The following USP36 variants were observed in gnomAD, a reference collection of about 807,000 sequenced individuals.
USP36 encodes the protein ubiquitin carboxyl-terminal hydrolase 36.
Under a neutral mutation model 111.5 loss-of-function variants are expected in USP36, and 59 were observed. That is an observed-to-expected ratio of 0.53 (90% CI 0.43 to 0.66). The LOEUF is 0.66. Among genes scored for constraint, USP36 ranks in the 30% least tolerant of loss-of-function variants. The probability of loss-of-function intolerance (pLI) is 0.00; values close to 1 mark genes in which losing one functional copy is unlikely to be tolerated. For synonymous variants in USP36, 628 were observed against 581.0 expected, an observed-to-expected ratio of 1.08 and a Z score of -1.16; for missense variants, 1,488 against 1,468.0, an observed-to-expected ratio of 1.01 and a Z score of -0.22.
rs1407050372 is a variant in USP36 at position 78,799,741 on chromosome 17, C to T, written c.3050G>A (p.Trp1017Ter). 6.2e-7 allele frequency: 1 copy of T among 1,611,154 alleles called. No homozygotes were observed. Among genetic ancestry groups the T allele is most frequent in the Non-Finnish European group, 8.5e-7 (1 of 1,179,048 alleles). Residue 1017 changes from tryptophan to a stop codon, truncating the protein, a stop_gained, in exon 18 of 21, where the codon TGG becomes TAG. Coordinates refer to ENST00000449938, the MANE Select transcript of USP36 (RefSeq NM_001385174.1). LOFTEE classifies it high-confidence loss of function. ...MGLSQAPPVS[W>*]NGERESDVVQ... ...CACATCAGACTCCCGCTCTCCATTC[C>T]AAGACACAGGAGGGGCCTGGCTCAG...
At chr17:78,799,905 TA>T (rs2093698940) in intron 17 of USP36, 137 bp from the exon 18 acceptor site, 23 of 524,678 alleles carry the variant, frequency 4.4e-5, no homozygotes, top group Non-Finnish European at 4.9e-5. Context: ...TTTTTTTTTT[TA>T]AAGACAGGGT....
chr17:78,834,718 C>T (rs946915911), intron 4 of USP36, among the ~76,000 whole-genome samples: 1 of 152,110 alleles, frequency 6.6e-6, no homozygotes, highest in Non-Finnish European at 1.5e-5. Context: ...TGTGAGCCAC[C>T]GTGCCCGGCC....
Position 78,799,649 on chromosome 17 carries a change from C to T in USP36, c.3124+18G>A, listed in dbSNP as rs2093691132. 1 of 1,610,048 alleles carries T rather than the reference C, an allele frequency of 6.2e-7. No individual in the cohort carries two copies. Among genetic ancestry groups the T allele is most frequent in the Non-Finnish European group, 8.5e-7 (1 of 1,177,882 alleles). ...AACCAATGAAAGGCAAACAGAAGTC[C>T]TGTCTCCAAATCAGTACCTTTTCTC... On this transcript the variant is annotated intron_variant, in intron 18 of 20. Transcript: ENST00000449938.
In USP36 at chr17:78,818,859, C is replaced by T. The variant is rs184562882; in HGVS notation, c.912-81G>A. 212 of 1,382,072 alleles carry T rather than the reference C, an allele frequency of 1.5e-4. 3 individuals carry two copies. The South Asian group carries it at 2.3e-3, about 15-fold the overall frequency. 85.6% of individuals were successfully genotyped at this position (1,382,072 alleles called of 1,614,324 possible). ...TGTTGTCTTAACGCTAAGTTAATAA[C>T]AGCAACAACTGCTCTGTAATAGTGG... On this transcript the variant is annotated intron_variant, in intron 9 of 20. Coordinates refer to ENST00000449938, the MANE Select transcript of USP36 (RefSeq NM_001385174.1).
chr17:78,812,692 G>A (rs1352552204), intron 13 of USP36, among the ~76,000 whole-genome samples, 168 bp downstream of exon 13: 1 of 115,102 alleles, frequency 8.7e-6, no homozygotes, highest in East Asian at 2.6e-4. Context: ...GCGAGACTCT[G>A]TCTCGAAAAA....
At chr17:78,795,599 T>G (rs2093617434), downstream of USP36, 1 of 151,824 alleles carries the variant, frequency 6.6e-6, no homozygotes, top group African/African-American at 2.4e-5. This position sits in a 1 kb window ranked among gnomAD's most constrained non-coding sequence, Gnocchi z 4.5. Flanking sequence ...AGACTGTGGT[T>G]GGGATGTACT....
intron 13 of USP36, among the ~76,000 whole-genome samples, chr17:78,807,892 T>C (rs2093951413): frequency 1.3e-5 from 2 of 152,148 alleles, no homozygotes; most frequent in Non-Finnish European, 2.9e-5. Context: ...TTGACAGAGA[T>C]GGGGTTTCAC....
At chr17:78,806,882 A>C (rs1426350834) in intron 14 of USP36, 77 bp downstream of exon 14, 1 of 1,547,114 alleles carries the variant, frequency 6.5e-7, no homozygotes, top group African/African-American at 1.4e-5. Context: ...CAATGTTCTC[A>C]CTCCCTTCAA....
At chr17:78,810,746 CT>C (rs1434498119) in intron 13 of USP36, among the ~76,000 whole-genome samples, 1 of 152,172 alleles carries the variant, frequency 6.6e-6, no homozygotes, top group Non-Finnish European at 1.5e-5. Context: ...CCCCTGCAGA[CT>C]GTGAAAGGCC....
chr17:78,806,187 C>T lies in USP36; in HGVS notation c.2185G>A (p.Val729Ile), dbSNP rs556016934. ...CTATGGACGGGCCAAGTGGAGGCAA[C>T]GACGGGGTGAGAGGTTTTCATGGGG... The part of the protein sequence containing the change: ...THPMKTSHPV[V>I]ASTWPVHRAR... Residue 729 changes from valine to isoleucine, a missense_variant, in exon 15 of 21, where the codon GTT becomes ATT. Around this residue, in one of 3 missense-constraint regions of USP36, gnomAD observed 1,073 missense variants for 994.1 expected, o/e 1.08. Transcript: ENST00000449938. The T allele has an allele frequency of 8.7e-6, 14 of 1,613,254 alleles. No homozygotes were observed. Among genetic ancestry groups the T allele is most frequent in the South Asian group, 5.5e-5 (5 of 91,036 alleles).
In USP36 at chr17:78,807,509, C is replaced by T; in HGVS notation, c.1535G>A (p.Gly512Glu). 3 of 1,613,874 alleles carry T rather than the reference C, an allele frequency of 1.9e-6. No individual in the cohort carries two copies. Among genetic ancestry groups the T allele is most frequent in the Non-Finnish European group, 1.7e-6 (2 of 1,179,872 alleles). ...CTGGGAGAGTTTGGGGGAAGGGGACCCCGAGGGCAGCTTTGGAGGAATGCA... is the reference window on the plus strand; with the variant it reads ...CTGGGAGAGTTTGGGGGAAGGGGACTCCGAGGGCAGCTTTGGAGGAATGCA... Reference protein sequence around the residue: ...NGCIPPKLPSGSPSPKLSQTP... With the variant: ...NGCIPPKLPSESPSPKLSQTP... Residue 512 changes from glycine (G) to glutamate (E), a missense_variant, in exon 14 of 21, where the codon GGG (glycine) becomes GAG (glutamate). This residue lies in a region of USP36 where 1,073 missense variants were observed against 994.1 expected (regional missense o/e 1.08). Coordinates refer to ENST00000449938, the MANE Select transcript of USP36 (RefSeq NM_001385174.1).
At chr17:78,826,576 T>A (rs2067560615) in intron 6 of USP36, 2 of 155,044 alleles carry the variant, frequency 1.3e-5, no homozygotes, top group Admixed American at 6.3e-5. Flanking sequence ...GTATATTCCC[T>A]AAACTATTTA....
rs754008998 is a variant in USP36 at position 78,803,369 on chromosome 17, T to C, written c.2810+16A>G. On this transcript the variant is annotated intron_variant, in intron 16 of 20. Coordinates refer to ENST00000449938, the MANE Select transcript of USP36 (RefSeq NM_001385174.1). The surrounding 1 kb of genome is among the most constrained non-coding windows in gnomAD (Gnocchi z 4.6). ...TCGTCAGAGGTAGACAGATGCCACT[T>C]TGCTCCTGCCCTTACCTGTGCCGAA... 1.2e-5 allele frequency: 20 copies of C among 1,603,200 alleles called. No homozygotes were observed. Among genetic ancestry groups the C allele is most frequent in the South Asian group, 1.0e-4 (9 of 90,282 alleles).
At chr17:78,816,897 C>T (rs113671804) in intron 10 of USP36, among the ~76,000 whole-genome samples, 1 of 152,114 alleles carries the variant, frequency 6.6e-6, no homozygotes, top group East Asian at 1.9e-4. Context: ...CTAGAAAATT[C>T]CCACATCCCA....
At chr17:78,834,997 G>GTATGTATATATATATATA (rs1555641714) in intron 4 of USP36, among the ~76,000 whole-genome samples, 1 of 141,392 alleles carries the variant, frequency 7.1e-6, no homozygotes, top group African/African-American at 2.8e-5. Flanking sequence ...AATAATATTT[G>GTATGTATATATATATATA]TATATATATA....
intron 13 of USP36, among the ~76,000 whole-genome samples, chr17:78,810,715 G>T (rs1006461582): frequency 6.6e-6 from 1 of 152,152 alleles, no homozygotes; most frequent in Non-Finnish European, 1.5e-5. Flanking sequence ...GAGAAATACA[G>T]ATGTACGTAA....
downstream of USP36, among the ~76,000 whole-genome samples, chr17:78,793,005 C>T (rs186744854): frequency 1.7e-3 from 257 of 152,010 alleles, 1 homozygote; most frequent in African/African-American, 5.6e-3. Context: ...TGTGAGCCAC[C>T]GCGCCCGCCC....
chr17:78,803,082 G>A lies in USP36; in HGVS notation c.2810+303C>T, dbSNP rs969580629. On this transcript the variant is annotated intron_variant, in intron 16 of 20. Coordinates refer to ENST00000449938, the MANE Select transcript of USP36 (RefSeq NM_001385174.1). The surrounding 1 kb of genome is among the most constrained non-coding windows in gnomAD (Gnocchi z 4.6). ...GCCTCCTGAGTAGCTGGGACTATAG[G>A]TGCATGCCACCATGCCCAACCAATT... 1.3e-5 allele frequency among the ~76,000 whole-genome samples: 2 copies of A among 151,960 alleles called. No homozygotes were observed. The highest frequency in any genetic ancestry group is 2.4e-5 in the African/African-American group (1 of 41,344).
At chr17:78,831,837 T>A (rs746086023) in intron 4 of USP36, among the ~76,000 whole-genome samples, 7 of 149,990 alleles carry the variant, frequency 4.7e-5, no homozygotes. Context: ...TAGTGCCAGC[T>A]ACTTGGGAGG....
Sources: allele counts gnomAD v4.1 joint callset (sites outside exome capture counted in the v4.1 genomes callset), GRCh38; gene constraint gnomAD v4.1.1; regional missense constraint gnomAD v4.1.1; non-coding constraint Gnocchi (gnomAD v3.1); transcripts MANE v1.5; gene names NCBI Gene and HGNC (gene_info 2026-07-23, HGNC 2026-07-21).